The following STAT4 variants were observed in gnomAD, a reference collection of about 807,000 sequenced individuals.
STAT4 encodes the protein signal transducer and activator of transcription 4.
A neutral mutation model predicts 110.5 loss-of-function variants in STAT4; 42 were observed. That is an observed-to-expected ratio of 0.38 (90% CI 0.30 to 0.49). The LOEUF is 0.49. Among genes scored for constraint, STAT4 ranks in the 20% least tolerant of loss-of-function variants. The probability of loss-of-function intolerance (pLI) is 0.95; values close to 1 mark genes in which losing one functional copy is unlikely to be tolerated. For missense variants in STAT4, 632 were observed against 887.9 expected (o/e 0.71, Z 3.66); for synonymous variants, 284 against 302.2 (o/e 0.94, Z 0.63).
chr2:191,040,917 A>G (rs1227235576), intron 15 of STAT4, 148 bp downstream of exon 15: 1 of 470,992 alleles, frequency 2.1e-6, no homozygotes, highest in Non-Finnish European at 3.6e-6. Flanking sequence ...TAACTAGTGA[A>G]TATTTGACAT....
intron 8 of STAT4, among the ~76,000 whole-genome samples, chr2:191,063,302 A>T (rs1171281263): frequency 1.3e-5 from 2 of 152,184 alleles, no homozygotes; most frequent in Non-Finnish European, 2.9e-5. Context: ...TTAAAGCCAT[A>T]AAAAAATGCC....
intron 3 of STAT4, among the ~76,000 whole-genome samples, chr2:191,081,024 A>G (rs1697457592): frequency 6.6e-6 from 1 of 152,010 alleles, no homozygotes; most frequent in Admixed American, 6.6e-5. Flanking sequence ...CTGGTGTGTG[A>G]TGTTCCCCTA....
rs1451650691 is a variant in STAT4, at chr2:191,082,333, CTATTTGTTTGAATCCTAAATTATAGTGT to C, written c.274-6036_274-6009del. Among the ~76,000 whole-genome samples the C allele has an allele frequency of 1.3e-5, 2 of 152,174 alleles. No homozygotes were observed. The highest frequency in any genetic ancestry group is 2.9e-5 in the Non-Finnish European group (2 of 68,038). On this transcript the variant is annotated intron_variant, in intron 3 of 23. Coordinates refer to ENST00000392320, the MANE Select transcript of STAT4 (RefSeq NM_003151.4). This position sits in a 1 kb window ranked among gnomAD's most constrained non-coding sequence, Gnocchi z 4.7. The stretch of plus-strand genomic sequence containing the variant: ...CCGTCCCTTTCTGCATACATAATAA[CTATTTGTTTGAATCCTAAATTATAGTGT>C]TATATTTTGATGACATTTTAAACAG...
At position 191,148,081 on chromosome 2, in the gene STAT4, T is replaced by G; in HGVS notation, c.123A>C (p.Gln41His). The G allele has an allele frequency of 6.2e-7, 1 of 1,613,820 alleles. No homozygotes were observed. Among genetic ancestry groups the G allele is most frequent in the Non-Finnish European group, 8.5e-7 (1 of 1,179,774 alleles). ...GAAAATATGTTTGATCCTACCAGTC[T>G]TGATTTTCAATCCATTGGGCCAACA... The part of the protein sequence containing the change: ...RHLLAQWIEN[Q>H]DWEAASNNET... The change falls in exon 2 of 24, where the codon CAA (glutamine) becomes CAC (histidine). Residue 41 changes from glutamine (Q) to histidine (H), a missense_variant. Gln to His is a conservative substitution (Grantham distance 24). Coordinates refer to ENST00000392320, the MANE Select transcript of STAT4 (RefSeq NM_003151.4).
At chr2:191,075,824 CCTTT>C (rs869249493) in intron 4 of STAT4, among the ~76,000 whole-genome samples, 14 of 148,098 alleles carry the variant, frequency 9.5e-5, no homozygotes, top group African/African-American at 3.1e-4. Context: ...AAAAATGTCT[CCTTT>C]CTTTCTTTCT....
chr2:191,136,560 T>C (rs1699185215), intron 3 of STAT4, among the ~76,000 whole-genome samples: 1 of 152,198 alleles, frequency 6.6e-6, no homozygotes, highest in Admixed American at 6.5e-5. Flanking sequence ...GAGACCAGCC[T>C]GGTCAACACA....
rs1448404132 is a variant in STAT4, at chr2:191,046,167, G to A, written c.1252-5019C>T. Among the ~76,000 whole-genome samples the A allele has an allele frequency of 1.3e-5, 2 of 152,174 alleles. No homozygotes were observed. Among genetic ancestry groups the A allele is most frequent in the Non-Finnish European group, 2.9e-5 (2 of 68,042 alleles). ...GTTCAATGGTGCAGAACATTTGAGA[G>A]GCCTCAGGCAAGTGCACAGATAGAG... On this transcript the variant is annotated intron_variant, in intron 14 of 23. Coordinates refer to ENST00000392320, the MANE Select transcript of STAT4 (RefSeq NM_003151.4). The surrounding 1 kb of genome is among the most constrained non-coding windows in gnomAD (Gnocchi z 4.6).
rs138903946 is a variant in STAT4, at chr2:191,126,264, G to A, written c.273+20349C>T. Among the ~76,000 whole-genome samples the A allele has an allele frequency of 1.1e-3, 172 of 152,194 alleles. 2 individuals are homozygous for A. The highest frequency in any genetic ancestry group is 3.9e-3 in the African/African-American group (163 of 41,532). ...GGTAAAAAGTCTTGTGAGCTGTCTC[G>A]GTTTTGATTAAGTATCTCTTTGAAA... On this transcript the variant is annotated intron_variant, in intron 3 of 23. Coordinates refer to ENST00000392320, the MANE Select transcript of STAT4 (RefSeq NM_003151.4).
intron 3 of STAT4, among the ~76,000 whole-genome samples, chr2:191,111,401 G>C (rs978975311): frequency 6.6e-6 from 1 of 152,158 alleles, no homozygotes; most frequent in Non-Finnish European, 1.5e-5. Context: ...GAATATTTCG[G>C]AGTATAACTT....
Position 191,030,009 on chromosome 2 carries a change from T to C in STAT4, c.2221-143A>G, listed in dbSNP as rs562585424. On this transcript the variant is annotated intron_variant, in intron 23 of 23. Coordinates refer to ENST00000392320, the MANE Select transcript of STAT4 (RefSeq NM_003151.4). This position sits in a 1 kb window ranked among gnomAD's most constrained non-coding sequence, Gnocchi z 4.4. ...CTAGTTAAAATACTTAAACTAAGTA[T>C]TTGCAAAAGTAATTGGGGTTGATCA... 16 of 679,214 alleles carry C rather than the reference T, an allele frequency of 2.4e-5. No individual in the cohort carries two copies. The African/African-American group carries it at 2.7e-4, about 12-fold the overall frequency. 42.1% of individuals were successfully genotyped at this position (679,214 alleles called of 1,614,324 possible).
intron 3 of STAT4, among the ~76,000 whole-genome samples, chr2:191,141,821 G>A (rs1295999578): frequency 6.6e-6 from 1 of 151,710 alleles, no homozygotes; most frequent in African/African-American, 2.4e-5. Context: ...AGTAGAGACA[G>A]GGTTTTGCCA....
intron 3 of STAT4, among the ~76,000 whole-genome samples, chr2:191,119,082 G>A (rs757870403): frequency 6.6e-6 from 1 of 152,126 alleles, no homozygotes; most frequent in Non-Finnish European, 1.5e-5. Flanking sequence ...AACTGGTTTC[G>A]ATGCACAGAG....
At chr2:191,145,085 T>A (rs1465620238) in intron 3 of STAT4, among the ~76,000 whole-genome samples, 1 of 152,166 alleles carries the variant, frequency 6.6e-6, no homozygotes, top group African/African-American at 2.4e-5. Context: ...AAATGTGATA[T>A]ACATATATAT....
intron 13 of STAT4, among the ~76,000 whole-genome samples, chr2:191,055,879 G>T (rs1019323278): frequency 6.6e-6 from 1 of 151,958 alleles, no homozygotes; most frequent in African/African-American, 2.4e-5. Flanking sequence ...CTAAGTTAAG[G>T]GCTCTTCCTA....
intron 16 of STAT4, among the ~76,000 whole-genome samples, chr2:191,038,476 A>T (rs1158995067): frequency 6.6e-6 from 1 of 152,208 alleles, no homozygotes; most frequent in African/African-American, 2.4e-5. Flanking sequence ...TTTGCTCTGA[A>T]TTAAGAAGAA....
In STAT4 at chr2:191,033,236, C is replaced by T. The variant is rs1695950253; in HGVS notation, c.1853-87G>A. 2 of 1,377,144 alleles carry T rather than the reference C, an allele frequency of 1.5e-6. No homozygotes were observed. Among genetic ancestry groups the T allele is most frequent in the Non-Finnish European group, 2.0e-6 (2 of 1,006,336 alleles). 85.3% of individuals were successfully genotyped at this position (1,377,144 alleles called of 1,614,324 possible). ...TTCCCTGCCCACATTATCTTCATGC[C>T]ACTGGAGTGACTTGTCAGTTCATGT... On this transcript the variant is annotated intron_variant, in intron 20 of 23. Coordinates refer to ENST00000392320, the MANE Select transcript of STAT4 (RefSeq NM_003151.4). The surrounding 1 kb of genome is among the most constrained non-coding windows in gnomAD (Gnocchi z 6.9).
intron 3 of STAT4, among the ~76,000 whole-genome samples, chr2:191,089,974 T>G (rs1305067474): frequency 6.6e-6 from 1 of 152,152 alleles, no homozygotes; most frequent in African/African-American, 2.4e-5. Flanking sequence ...TGTATAACAC[T>G]ATGATACTGG....
chr2:191,108,111 C>T (rs766186003), intron 3 of STAT4, among the ~76,000 whole-genome samples: 7 of 151,846 alleles, frequency 4.6e-5, no homozygotes, highest in African/African-American at 1.5e-4. Context: ...GTCAACATGG[C>T]GAAACCCCAT....
Position 191,062,830 on chromosome 2 carries a change from A to T in STAT4, c.873T>A (p.Asp291Glu). Residue 291 changes from aspartate (D) to glutamate (E), a missense_variant, in exon 9 of 24, where the codon GAT becomes GAA. By Grantham distance (45) the Asp-to-Glu change is conservative (BLOSUM62 2). This residue lies in a region of STAT4 where 488 missense variants were observed against 632.8 expected (regional missense o/e 0.77). Transcript: ENST00000392320. The surrounding 1 kb of genome is among the most constrained non-coding windows in gnomAD (Gnocchi z 4.9). The part of the protein sequence containing the change: ...EQSTKMTYEG[D>E]PIPMQRTHML... ...TGTGAGTTCTTTGCATTGGAATGGGATCACCTTCATATGTCATTTTGGTAG... is the reference window on the plus strand; with the variant it reads ...TGTGAGTTCTTTGCATTGGAATGGGTTCACCTTCATATGTCATTTTGGTAG... 1 of 1,613,944 alleles carries T rather than the reference A, an allele frequency of 6.2e-7. No individual in the cohort carries two copies. Among genetic ancestry groups the T allele is most frequent in the Non-Finnish European group, 8.5e-7 (1 of 1,179,894 alleles).
Sources: gnomAD v4.1 joint callset for allele counts (sites outside exome capture counted in the v4.1 genomes callset) on GRCh38, gnomAD v4.1.1 for gene constraint, gnomAD v4.1.1 regional missense constraint, Gnocchi (gnomAD v3.1) non-coding constraint, MANE v1.5 for transcripts, NCBI Gene and HGNC (gene_info 2026-07-23, HGNC 2026-07-21) for gene names.